Variants in TGFBR2 observed in about 807,000 individuals in gnomAD.
TGFBR2 encodes the protein transforming growth factor beta receptor 2, also known as TGF-beta receptor type-2.
TGFBR2 carries 18 observed loss-of-function variants against 49.0 expected under a neutral mutation model. The observed-to-expected ratio is 0.37, with a 90% CI of 0.25 to 0.54. The LOEUF is 0.54. Ranked by LOEUF, TGFBR2 falls within the 20% of genes least tolerant of loss-of-function variation. TGFBR2 has a pLI of 0.85. For missense variants in TGFBR2, 525 were observed against 722.6 expected (o/e 0.73, Z 3.13); for synonymous variants, 282 against 275.9 (o/e 1.02, Z -0.22).
chr3:30,646,106 A>G (rs1390889502), intron 2 of TGFBR2, among the ~76,000 whole-genome samples: 1 of 152,204 alleles, frequency 6.6e-6, no homozygotes, highest in East Asian at 1.9e-4. Context: ...ACAAACAAGA[A>G]TATAAACCCA....
At chr3:30,613,300 G>T (rs1698064306) in intron 1 of TGFBR2, among the ~76,000 whole-genome samples, 1 of 152,058 alleles carries the variant, frequency 6.6e-6, no homozygotes. Flanking sequence ...TGCCTATGGG[G>T]TGAGGTGACT....
Position 30,672,278 on chromosome 3 carries a change from C to G in TGFBR2, c.1095C>G (p.His365Gln), listed in dbSNP as rs2125436140. 6.2e-7 allele frequency: 1 copy of G among 1,604,564 alleles called. No individual in the cohort carries two copies. Among genetic ancestry groups the G allele is most frequent in the Non-Finnish European group, 8.5e-7 (1 of 1,174,382 alleles). ...ARGIAHLHSDHTPCGRPKMPI... is the reference protein window; with the variant it reads ...ARGIAHLHSDQTPCGRPKMPI... ...GGATTGCTCACCTCCACAGTGATCA[C>G]ACTCCATGTGGGAGGCCCAAGATGC... Residue 365 changes from histidine to glutamine, a missense_variant, in exon 4 of 7, where the codon CAC becomes CAG. His to Gln is a conservative substitution (Grantham distance 24, BLOSUM62 0). Around this residue, in one of 3 missense-constraint regions of TGFBR2, gnomAD observed 376 missense variants for 478.2 expected, o/e 0.79. Transcript: ENST00000295754. The surrounding 1 kb of genome is among the most constrained non-coding windows in gnomAD (Gnocchi z 4.5).
In TGFBR2 at chr3:30,629,391, C is replaced by T. The variant is rs945371938; in HGVS notation, c.95-15356C>T. On this transcript the variant is annotated intron_variant, in intron 1 of 6. Coordinates refer to ENST00000295754, the MANE Select transcript of TGFBR2 (RefSeq NM_003242.6). Reference sequence around the variant, plus strand: ...TCCACTTTCATGAACCAGCTCCTCCCAGTGGGGAAAGAAGAACTCTCTTTG... The same window carrying T: ...TCCACTTTCATGAACCAGCTCCTCCTAGTGGGGAAAGAAGAACTCTCTTTG... Among the ~76,000 whole-genome samples, 3 of 152,122 alleles carry T rather than the reference C, an allele frequency of 2.0e-5. No homozygotes were observed. The South Asian group carries it at 6.2e-4, about 32-fold the overall frequency.
intron 3 of TGFBR2, among the ~76,000 whole-genome samples, chr3:30,665,676 C>A (rs1426864065): frequency 4.6e-5 from 7 of 152,124 alleles, no homozygotes; most frequent in Admixed American, 2.6e-4. Flanking sequence ...CCTAGAGAAA[C>A]CCATCAATCT....
At chr3:30,627,630 G>A (rs895313874) in intron 1 of TGFBR2, among the ~76,000 whole-genome samples, 1 of 151,738 alleles carries the variant, frequency 6.6e-6, no homozygotes, top group African/African-American at 2.4e-5. Context: ...CTGCAGAGAT[G>A]AAAATATCTT....
rs1699354286 is a variant in TGFBR2 at position 30,672,190 on chromosome 3, A to T, written c.1007A>T (p.Tyr336Phe). 7 of 1,612,692 alleles carry T rather than the reference A, an allele frequency of 4.3e-6. No homozygotes were observed. Among genetic ancestry groups the T allele is most frequent in the Non-Finnish European group, 5.9e-6 (7 of 1,178,682 alleles). ...AFHAKGNLQE[Y>F]LTRHVISWED... is the part of the protein sequence containing the mutation. ...CACGCCAAGGGCAACCTACAGGAGT[A>T]CCTGACGCGGCATGTCATCAGCTGG... is the stretch of plus-strand genomic sequence containing the variant. The change falls in exon 4 of 7, where the codon TAC (tyrosine) becomes TTC (phenylalanine). Residue 336 changes from tyrosine (Y) to phenylalanine (F), a missense_variant. Coordinates refer to ENST00000295754, the MANE Select transcript of TGFBR2 (RefSeq NM_003242.6). This position sits in a 1 kb window ranked among gnomAD's most constrained non-coding sequence, Gnocchi z 4.5.
chr3:30,692,829 G>A lies in TGFBR2; in HGVS notation c.*1230G>A, dbSNP rs1699738972. The A allele has an allele frequency of 4.3e-6, 1 of 233,050 alleles. No individual in the cohort carries two copies. The highest frequency in any genetic ancestry group is 1.8e-4 in the South Asian group (1 of 5,528). 14.4% of individuals were successfully genotyped at this position (233,050 alleles called of 1,614,324 possible). ...TTATAAATATTTGGAGATTTTGCAG[G>A]AAAATCTGGATCCCCAGGTAAGGAT... On this transcript the variant is annotated 3_prime_UTR_variant, in exon 7 of 7. Coordinates refer to ENST00000295754, the MANE Select transcript of TGFBR2 (RefSeq NM_003242.6).
At position 30,613,330 on chromosome 3, in the gene TGFBR2, C is replaced by A. The variant is rs147144643; in HGVS notation, c.94+6353C>A. Reference sequence around the variant, plus strand: ...GTGACTTTTGGGCCTTCCAGTCTTACTCTCTTTTCATTTTTAGACCATGAT... The same window carrying A: ...GTGACTTTTGGGCCTTCCAGTCTTAATCTCTTTTCATTTTTAGACCATGAT... On this transcript the variant is annotated intron_variant, in intron 1 of 6. Transcript: ENST00000295754. Among the ~76,000 whole-genome samples the A allele has an allele frequency of 1.3e-3, 193 of 152,164 alleles. 1 individual carries two copies. Among genetic ancestry groups the A allele is most frequent in the African/African-American group, 4.5e-3 (187 of 41,518 alleles).
At position 30,659,207 on chromosome 3, in the gene TGFBR2, A is replaced by G. The variant is rs11466508; in HGVS notation, c.454+8747A>G. 5.2e-3 allele frequency among the ~76,000 whole-genome samples: 790 copies of G among 152,302 alleles called. 10 individuals carry two copies. Among genetic ancestry groups the G allele is most frequent in the African/African-American group, 0.018 (766 of 41,562 alleles). ...GTTTCAAAAGAAACAAACCAGATTT[A>G]CTTTCTGGTCTAAATGCAGAAGAAA... On this transcript the variant is annotated intron_variant, in intron 3 of 6. Coordinates refer to ENST00000295754, the MANE Select transcript of TGFBR2 (RefSeq NM_003242.6).
At chr3:30,611,874 A>C (rs1204032756) in intron 1 of TGFBR2, among the ~76,000 whole-genome samples, 1 of 152,204 alleles carries the variant, frequency 6.6e-6, no homozygotes. Context: ...CAAGTTCCAC[A>C]TAAAAGCATA....
At chr3:30,685,602 C>T (rs114066370) in intron 5 of TGFBR2, among the ~76,000 whole-genome samples, 182 of 152,296 alleles carry the variant, frequency 1.2e-3, no homozygotes, top group African/African-American at 4.1e-3. Context: ...GTGTGAATTG[C>T]ACCATAGTTA....
At chr3:30,617,417 T>G (rs938882973) in intron 1 of TGFBR2, among the ~76,000 whole-genome samples, 2 of 152,182 alleles carry the variant, frequency 1.3e-5, no homozygotes. Flanking sequence ...GTCCTTCAAG[T>G]ATGTGAAAAG....
intron 1 of TGFBR2, among the ~76,000 whole-genome samples, chr3:30,628,493 CAAAA>C (rs5847642): frequency 9.7e-6 from 1 of 103,256 alleles, no homozygotes; most frequent in Non-Finnish European, 1.8e-5. Flanking sequence ...TTAAATCCTC[CAAAA>C]AAAAAAAAAA....
At chr3:30,618,747 A>C (rs533717386) in intron 1 of TGFBR2, among the ~76,000 whole-genome samples, 1 of 152,264 alleles carries the variant, frequency 6.6e-6, no homozygotes, top group Non-Finnish European at 1.5e-5. Context: ...AAGTGGTTTT[A>C]CTCTTCAACA....
intron 3 of TGFBR2, among the ~76,000 whole-genome samples, chr3:30,660,135 A>G (rs1699092951): frequency 6.6e-6 from 1 of 152,210 alleles, no homozygotes; most frequent in African/African-American, 2.4e-5. Flanking sequence ...TTGCTTATCT[A>G]CTTTTAAAAA....
At chr3:30,688,619 G>A in intron 6 of TGFBR2, 108 bp downstream of exon 6, 1 of 1,466,712 alleles carries the variant, frequency 6.8e-7, no homozygotes, top group African/African-American at 1.4e-5. Flanking sequence ...GTCCCATTGT[G>A]TTCTATGGCC....
At chr3:30,607,066 C>T (rs1182298588) in intron 1 of TGFBR2, 89 bp downstream of exon 1, 7 of 1,163,382 alleles carry the variant, frequency 6.0e-6, no homozygotes, top group Non-Finnish European at 8.6e-6. Flanking sequence ...TCGGGCCCGG[C>T]AACCCGGCCC....
At chr3:30,661,654 T>C (rs752284306) in intron 3 of TGFBR2, 2 of 490,636 alleles carry the variant, frequency 4.1e-6, no homozygotes, top group Non-Finnish European at 8.1e-6. Context: ...GTTAAGGTCA[T>C]TTTGAAATCA....
intron 3 of TGFBR2, among the ~76,000 whole-genome samples, chr3:30,654,740 A>G (rs539990235): frequency 1.3e-5 from 2 of 152,338 alleles, no homozygotes; most frequent in Non-Finnish European, 2.9e-5. Context: ...GAGAGGAAGG[A>G]ATCCTGAGCA....
Sources: gnomAD v4.1 joint callset for allele counts (sites outside exome capture counted in the v4.1 genomes callset) on GRCh38, gnomAD v4.1.1 for gene constraint, gnomAD v4.1.1 regional missense constraint, Gnocchi (gnomAD v3.1) non-coding constraint, MANE v1.5 for transcripts, NCBI Gene and HGNC (gene_info 2026-07-23, HGNC 2026-07-21) for gene names.